ARFGEF3: variants seen among roughly 807,000 people sequenced by gnomAD.
The protein encoded by ARFGEF3 is brefeldin A-inhibited guanine nucleotide-exchange protein 3.
In ARFGEF3, 96 loss-of-function variants were observed where a neutral mutation model predicts 221.7. The observed-to-expected ratio is 0.43, with a 90% CI of 0.37 to 0.51. ARFGEF3 has a LOEUF of 0.51. ARFGEF3 is among the 20% of genes least tolerant of loss of function. The pLI, the probability that ARFGEF3 is intolerant of heterozygous loss-of-function variation, is 0.00. For synonymous variants in ARFGEF3, 1,145 were observed against 1,126.8 expected (o/e 1.02, Z -0.32); for missense variants, 2,410 against 2,789.9 (o/e 0.86, Z 3.07).
intron 22 of ARFGEF3, among the ~76,000 whole-genome samples, chr6:138,302,504 G>C (rs747648774): frequency 7.2e-5 from 11 of 152,114 alleles, no homozygotes; most frequent in Non-Finnish European, 1.5e-4. Flanking sequence ...AGGTAGAAAA[G>C]AGAAAGACAA....
At chr6:138,191,916 T>TGATGACAAC (rs1415141227) in intron 2 of ARFGEF3, among the ~76,000 whole-genome samples, 3 of 152,140 alleles carry the variant, frequency 2.0e-5, no homozygotes, top group Non-Finnish European at 4.4e-5. Context: ...TGGTTAATAA[T>TGATGACAAC]GATGACAACA....
rs9494973 is a variant in ARFGEF3, at chr6:138,231,594, T to C, written c.420+1742T>C. 6.3e-3 allele frequency among the ~76,000 whole-genome samples: 958 copies of C among 152,296 alleles called. 9 individuals carry two copies. The highest frequency in any genetic ancestry group is 0.022 in the African/African-American group (903 of 41,558). On this transcript the variant is annotated intron_variant, in intron 5 of 33. Transcript: ENST00000251691. Reference sequence around the variant, plus strand: ...AGTGCAAGTCCAGCCACATGGTAAATGTGAAATGTTTGCCATTGCCACGTT... The same window carrying C: ...AGTGCAAGTCCAGCCACATGGTAAACGTGAAATGTTTGCCATTGCCACGTT...
In ARFGEF3 at chr6:138,324,051, C is replaced by T. The variant is rs368323145; in HGVS notation, c.4898C>T (p.Thr1633Met). The T allele has an allele frequency of 4.0e-5, 64 of 1,613,846 alleles. No individual in the cohort carries two copies. In the Middle Eastern group the frequency reaches 4.9e-4, roughly 12 times the overall value. Residue 1633 changes from threonine (T) to methionine (M), a missense_variant, in exon 31 of 34, where the codon ACG becomes ATG. Around this residue, in one of 5 missense-constraint regions of ARFGEF3, gnomAD observed 723 missense variants for 991.9 expected, o/e 0.73. Coordinates refer to ENST00000251691, the MANE Select transcript of ARFGEF3 (RefSeq NM_020340.5). ...CTGCTGGGCTGCTTCCACAGCGGCA[C>T]GGAGAGCTTCAGCGGGGAAGGCTGC... The part of the protein sequence containing the change: ...KDLLGCFHSG[T>M]ESFSGEGCQV...
intron 6 of ARFGEF3, among the ~76,000 whole-genome samples, chr6:138,242,147 A>G (rs1271231236): frequency 6.6e-6 from 1 of 152,224 alleles, no homozygotes; most frequent in Non-Finnish European, 1.5e-5. Context: ...AAGTTTAAAA[A>G]TTAAATCAGC....
At chr6:138,251,570 A>G (rs1338338301) in intron 8 of ARFGEF3, among the ~76,000 whole-genome samples, 2 of 152,096 alleles carry the variant, frequency 1.3e-5, no homozygotes, top group African/African-American at 4.8e-5. Flanking sequence ...AAAGTTCCAG[A>G]CATCTTAGTG....
intron 15 of ARFGEF3, 78 bp from the exon 16 acceptor site, chr6:138,286,623 T>C (rs1197311463): frequency 3.5e-6 from 4 of 1,141,302 alleles, no homozygotes; most frequent in South Asian, 1.3e-5. Context: ...GCTCATTTGA[T>C]AGCAAGAGAA....
At chr6:138,209,560 C>T (rs958804262) in intron 3 of ARFGEF3, among the ~76,000 whole-genome samples, 2 of 152,128 alleles carry the variant, frequency 1.3e-5, no homozygotes, top group Non-Finnish European at 1.5e-5. Context: ...AGCAATTCTC[C>T]TGCCTCAGCC....
rs1419170453 is a variant in ARFGEF3 at position 138,334,110 on chromosome 6, T to A, written c.5264T>A (p.Leu1755Gln). The A allele has an allele frequency of 6.2e-7, 1 of 1,613,838 alleles. No homozygotes were observed. Among genetic ancestry groups the A allele is most frequent in the African/African-American group, 1.3e-5 (1 of 74,928 alleles). The change falls in exon 33 of 34, where the codon CTG becomes CAG. Residue 1755 changes from leucine (L) to glutamine (Q), a missense_variant. By Grantham distance (113) the Leu-to-Gln change is moderately radical. Around this residue, in one of 5 missense-constraint regions of ARFGEF3, gnomAD observed 723 missense variants for 991.9 expected, o/e 0.73. Transcript: ENST00000251691. The surrounding 1 kb of genome is among the most constrained non-coding windows in gnomAD (Gnocchi z 5.1). ...ACGATACAAGTGCCAGAAGCCAAGC[T>A]GGCTGGCTTCCTCAGATACATCTCT... is the stretch of plus-strand genomic sequence containing the variant. ...EKTIQVPEAKLAGFLRYISMQ... is the reference protein window; with the variant it reads ...EKTIQVPEAKQAGFLRYISMQ...
chr6:138,289,463 T>C (rs1779358828), intron 17 of ARFGEF3, among the ~76,000 whole-genome samples: 1 of 152,180 alleles, frequency 6.6e-6, no homozygotes, highest in Non-Finnish European at 1.5e-5. Context: ...ATTTGACCAA[T>C]TTTTGGGAAG....
intron 2 of ARFGEF3, among the ~76,000 whole-genome samples, chr6:138,170,962 A>G (rs570096346): frequency 6.6e-6 from 1 of 152,322 alleles, no homozygotes; most frequent in South Asian, 2.1e-4. Context: ...AAGGACAAAA[A>G]GAGGGTGGAA....
At chr6:138,175,798 G>A (rs78060281) in intron 2 of ARFGEF3, among the ~76,000 whole-genome samples, 6,152 of 152,298 alleles carry the variant, frequency 0.04, 138 homozygotes, top group Middle Eastern at 0.092. Flanking sequence ...ATGTCTCTTT[G>A]TTGATTTTCT....
At chr6:138,250,402 C>G (rs2066747790) in intron 8 of ARFGEF3, among the ~76,000 whole-genome samples, 1 of 152,214 alleles carries the variant, frequency 6.6e-6, no homozygotes, top group South Asian at 2.1e-4. Context: ...CACTCTTTCC[C>G]TGCTTCTCTC....
intron 24 of ARFGEF3, among the ~76,000 whole-genome samples, chr6:138,309,619 G>A (rs1273230374): frequency 6.6e-6 from 1 of 152,146 alleles, no homozygotes. Context: ...AATTATGGAG[G>A]CTGAGAAGTC....
At chr6:138,210,620 CAG>C (rs768397729) in intron 4 of ARFGEF3, among the ~76,000 whole-genome samples, 1 of 151,966 alleles carries the variant, frequency 6.6e-6, no homozygotes, top group Non-Finnish European at 1.5e-5. Context: ...TTATGCTGAC[CAG>C]AGTGTGTCAT....
intron 12 of ARFGEF3, among the ~76,000 whole-genome samples, chr6:138,264,975 C>CT (rs1778860892): frequency 6.6e-6 from 1 of 150,694 alleles, no homozygotes; most frequent in Non-Finnish European, 1.5e-5. Context: ...GCAATCTCGG[C>CT]TCACTGCAAG....
intron 29 of ARFGEF3, among the ~76,000 whole-genome samples, chr6:138,322,076 A>G (rs1396406208): frequency 6.6e-6 from 1 of 152,124 alleles, no homozygotes; most frequent in Non-Finnish European, 1.5e-5. Flanking sequence ...TGAGAAGAAC[A>G]TTTGAATTGG....
In ARFGEF3 at chr6:138,194,208, C is replaced by T. The variant is rs1055092190; in HGVS notation, c.138-12834C>T. Among the ~76,000 whole-genome samples, 6 of 148,004 alleles carry T rather than the reference C, an allele frequency of 4.1e-5. No individual in the cohort carries two copies. In the South Asian group the frequency reaches 1.1e-3, roughly 26 times the overall value. On this transcript the variant is annotated intron_variant, in intron 2 of 33. Coordinates refer to ENST00000251691, the MANE Select transcript of ARFGEF3 (RefSeq NM_020340.5). ...ACTTGAACCCAGGAGGCAGAGGTTG[C>T]GGTGAGCCAAGATCATGCTACTGCA... is the stretch of plus-strand genomic sequence containing the variant.
intron 12 of ARFGEF3, 90 bp downstream of exon 12, chr6:138,263,701 C>T (rs1035980112): frequency 1.4e-4 from 174 of 1,207,308 alleles, no homozygotes; most frequent in Non-Finnish European, 1.7e-4. Context: ...TATAGTTTGA[C>T]GTGCTCAAAG....
At chr6:138,333,577 G>T (rs1780263091) in intron 32 of ARFGEF3, among the ~76,000 whole-genome samples, 1 of 151,994 alleles carries the variant, frequency 6.6e-6, no homozygotes, top group Non-Finnish European at 1.5e-5. Context: ...TAGTAAGCTG[G>T]GACTACAGGT....
Sources: gnomAD v4.1 joint callset for allele counts (sites outside exome capture counted in the v4.1 genomes callset) on GRCh38, gnomAD v4.1.1 for gene constraint, gnomAD v4.1.1 regional missense constraint, Gnocchi (gnomAD v3.1) non-coding constraint, MANE v1.5 for transcripts, NCBI Gene and HGNC (gene_info 2026-07-23, HGNC 2026-07-21) for gene names.